The following MYCBPAP variants were observed in gnomAD, a reference collection of about 807,000 sequenced individuals.
The protein encoded by MYCBPAP is MYCBP associated protein, also known as MYCBP-associated protein.
Under a neutral mutation model 106.1 loss-of-function variants are expected in MYCBPAP, and 60 were observed. The observed-to-expected ratio is 0.57, with a 90% CI of 0.46 to 0.70. The LOEUF is 0.70. Among genes scored for constraint, MYCBPAP ranks in the 30% least tolerant of loss-of-function variants. The pLI, the probability that MYCBPAP is intolerant of heterozygous loss-of-function variation, is 0.00. For missense variants in MYCBPAP, 1,064 were observed against 1,169.3 expected (o/e 0.91, Z 1.31); for synonymous variants, 407 against 440.6 (o/e 0.92, Z 0.95).
upstream of MYCBPAP, among the ~76,000 whole-genome samples, chr17:50,507,909 C>A (rs1021555389): frequency 6.6e-6 from 1 of 152,158 alleles, no homozygotes; most frequent in African/African-American, 2.4e-5. Context: ...AAAGCGGGTG[C>A]GTTTATAAAC....
At position 50,521,195 on chromosome 17, in the gene MYCBPAP, A is replaced by C; in HGVS notation, c.1002A>C (p.Arg334Ser). Residue 334 changes from arginine (R) to serine (S), a missense_variant, in exon 8 of 19, where the codon AGA becomes AGC. Coordinates refer to ENST00000323776, the MANE Select transcript of MYCBPAP (RefSeq NM_032133.6). Reference sequence around the variant, plus strand: ...TCTACCGACGCAAGGAGCTGCAGAGAATCATGGAAGAGCTGGATTTCAGCC... The same window carrying C: ...TCTACCGACGCAAGGAGCTGCAGAGCATCATGGAAGAGCTGGATTTCAGCC... ...FLIYRRKELQ[R>S]IMEELDFSQQ... 6.2e-7 allele frequency: 1 copy of C among 1,613,552 alleles called. No individual in the cohort carries two copies. The highest frequency in any genetic ancestry group is 1.1e-5 in the South Asian group (1 of 90,804).
rs191789783 is a variant in MYCBPAP, at chr17:50,524,990, C to A, written c.1749C>A (p.Thr583=). ...RTPSPVDAYL[T]EEDLFRHRNP... is the part of the protein sequence containing the mutation. ...CATCACCTGTGGATGCCTATCTCAC[C>A]GAGGAAGACTTGTTCCGGCACAGAA... Residue 583 remains threonine (T), a synonymous_variant, in exon 13 of 19, where the codon ACC becomes ACA. Transcript: ENST00000323776. 6.2e-7 allele frequency: 1 copy of A among 1,613,726 alleles called. No homozygotes were observed. Among genetic ancestry groups the A allele is most frequent in the East Asian group, 2.2e-5 (1 of 44,882 alleles).
chr17:50,518,778 G>T, intron 5 of MYCBPAP, 54 bp downstream of exon 5: 1 of 1,555,222 alleles, frequency 6.4e-7, no homozygotes. Context: ...GCAAGGCTCT[G>T]CTGGGTTGTT....
intron 1 of MYCBPAP, among the ~76,000 whole-genome samples, chr17:50,511,037 G>C (rs77923611): frequency 0.013 from 1,859 of 140,084 alleles, 39 homozygotes; most frequent in African/African-American, 0.051. Flanking sequence ...CTTGAGTTAA[G>C]AACATGCACC....
chr17:50,525,066 C>A (rs143871845), intron 13 of MYCBPAP, 43 bp downstream of exon 13: 2 of 1,578,296 alleles, frequency 1.3e-6, no homozygotes, highest in Non-Finnish European at 8.6e-7. Flanking sequence ...GTGTGCCCTG[C>A]GTCAAGGGTC....
chr17:50,510,495 G>GTATATATATATA (rs1320539341), intron 1 of MYCBPAP: 8 of 93,060 alleles, frequency 8.6e-5, no homozygotes, highest in Non-Finnish European at 1.3e-4. Context: ...GTGTGTGTGT[G>GTATATATATATA]TGTGTATATA....
At chr17:50,508,227 C>T (rs1212762811), upstream of MYCBPAP, 1 of 298,086 alleles carries the variant, frequency 3.4e-6, no homozygotes, top group Non-Finnish European at 6.1e-6. Context: ...GAAGCAGGGG[C>T]TGGCACCCCC....
chr17:50,512,502 C>CCCA (rs2033891232), intron 1 of MYCBPAP, among the ~76,000 whole-genome samples: 1 of 152,344 alleles, frequency 6.6e-6, no homozygotes, highest in African/African-American at 2.4e-5. Flanking sequence ...CCTGCCTCAG[C>CCCA]CTGTGGAGCC....
intron 14 of MYCBPAP, 173 bp from the exon 15 acceptor site, chr17:50,527,114 C>T (rs998028193): frequency 2.5e-5 from 21 of 844,500 alleles, no homozygotes; most frequent in Middle Eastern, 7.4e-4. Flanking sequence ...TTCATAGGTA[C>T]AGATTTCTGA....
In MYCBPAP at chr17:50,524,990, C is replaced by T. The variant is rs191789783; in HGVS notation, c.1749C>T (p.Thr583=). The change falls in exon 13 of 19, where the codon ACC becomes ACT. Residue 583 remains threonine (T), a synonymous_variant. Coordinates refer to ENST00000323776, the MANE Select transcript of MYCBPAP (RefSeq NM_032133.6). ...RTPSPVDAYL[T]EEDLFRHRNP... ...CATCACCTGTGGATGCCTATCTCACCGAGGAAGACTTGTTCCGGCACAGAA... is the reference window on the plus strand; with the variant it reads ...CATCACCTGTGGATGCCTATCTCACTGAGGAAGACTTGTTCCGGCACAGAA... 8.7e-5 allele frequency: 140 copies of T among 1,613,726 alleles called. No homozygotes were observed. Among genetic ancestry groups the T allele is most frequent in the East Asian group, 3.6e-4 (16 of 44,882 alleles).
chr17:50,519,159 G>A (rs1384327372), intron 6 of MYCBPAP, 70 bp downstream of exon 6: 3 of 1,107,760 alleles, frequency 2.7e-6, no homozygotes, highest in African/African-American at 1.6e-5. Flanking sequence ...GCAGGTGTCT[G>A]GACACAGGGA....
chr17:50,508,905 A>G (rs1487510572), intron 1 of MYCBPAP, 155 bp downstream of exon 1: 2 of 769,568 alleles, frequency 2.6e-6, no homozygotes, highest in African/African-American at 1.7e-5. Context: ...ACCCTTAGGG[A>G]TGGGGGGCAA....
chr17:50,510,491 G>GTATA (rs1470026068), intron 1 of MYCBPAP: 3 of 113,824 alleles, frequency 2.6e-5, no homozygotes, highest in East Asian at 2.4e-4. Context: ...GTGTGTGTGT[G>GTATA]TGTGTGTGTA....
intron 18 of MYCBPAP, among the ~76,000 whole-genome samples, 178 bp from the exon 19 acceptor site, chr17:50,531,149 C>A (rs1457399224): frequency 7.5e-4 from 108 of 143,632 alleles, no homozygotes; most frequent in East Asian, 1.6e-3. Flanking sequence ...GAGATCCTGT[C>A]AAAAAAAAAA....
chr17:50,526,185 A>G lies in MYCBPAP; in HGVS notation c.2087A>G (p.Asp696Gly), dbSNP rs1047873997. 8 of 1,613,448 alleles carry G rather than the reference A, an allele frequency of 5.0e-6. No individual in the cohort carries two copies. In the Admixed American group the frequency reaches 6.7e-5, roughly 13 times the overall value. Residue 696 changes from aspartate (D) to glycine (G), a missense_variant, in exon 14 of 19, where the codon GAT (aspartate) becomes GGT (glycine). Asp to Gly is a moderately conservative substitution (Grantham distance 94). Transcript: ENST00000323776. ...MEEILVEESPDVDSTKSPWEP... is the reference protein window; with the variant it reads ...MEEILVEESPGVDSTKSPWEP... The stretch of plus-strand genomic sequence containing the variant: ...GAGATCCTGGTGGAGGAAAGCCCAG[A>G]TGTGGACAGCACCAAGAGCCCCTGG...
Position 50,508,514 on chromosome 17 carries a change from T to G in MYCBPAP, c.-161T>G. ...GCGCGGCCCGATGAAGAAGGAGGTT[T>G]CCAAGCCGTCTCCGCCCAAGTTGAT... On this transcript the variant is annotated 5_prime_UTR_variant, in exon 1 of 19. Coordinates refer to ENST00000323776, the MANE Select transcript of MYCBPAP (RefSeq NM_032133.6). The G allele has an allele frequency of 6.5e-7, 1 of 1,533,104 alleles. No individual in the cohort carries two copies. The highest frequency in any genetic ancestry group is 8.8e-7 in the Non-Finnish European group (1 of 1,142,036). 95.0% of individuals were successfully genotyped at this position (1,533,104 alleles called of 1,614,324 possible). A position where few individuals can be genotyped will look rare whatever the true frequency, so the allele number is the denominator to read the frequency against.
At chr17:50,530,495 T>G (rs1315843079) in intron 18 of MYCBPAP, among the ~76,000 whole-genome samples, 2 of 14,406 alleles carry the variant, frequency 1.4e-4, no homozygotes, top group South Asian at 2.6e-3. Flanking sequence ...GACTCTTACC[T>G]CCAAAAAAAA....
Position 50,529,371 on chromosome 17 carries a change from T to C in MYCBPAP, c.2724+183T>C, listed in dbSNP as rs543341742. 3.2e-4 allele frequency: 193 copies of C among 610,090 alleles called. 1 individual carries two copies. The highest frequency in any genetic ancestry group is 9.4e-4 in the Admixed American group (31 of 33,074). 37.8% of individuals were successfully genotyped at this position (610,090 alleles called of 1,614,324 possible). A position where few individuals can be genotyped will look rare whatever the true frequency, so the allele number is the denominator to read the frequency against. On this transcript the variant is annotated intron_variant, in intron 18 of 18. Transcript: ENST00000323776. ...TGCGCCTAGCATGTTAGGTGATGAG[T>C]ACGACGGGAGAGAAGATAGACCAGG...
intron 18 of MYCBPAP, among the ~76,000 whole-genome samples, chr17:50,530,496 C>CTAAAAAAAAAAAA (rs1567899333): frequency 1.3e-4 from 2 of 15,578 alleles, no homozygotes; most frequent in African/African-American, 5.7e-4. Context: ...ACTCTTACCT[C>CTAAAAAAAAAAAA]CAAAAAAAAA....
Sources: gnomAD v4.1 joint callset for allele counts (sites outside exome capture counted in the v4.1 genomes callset) on GRCh38, gnomAD v4.1.1 for gene constraint, MANE v1.5 for transcripts, NCBI Gene and HGNC (gene_info 2026-07-23, HGNC 2026-07-21) for gene names.